Variants in ALDH1L2 observed in about 807,000 individuals in gnomAD.
The protein encoded by ALDH1L2 is aldehyde dehydrogenase 1 family member L2.
In ALDH1L2, 91 loss-of-function variants were observed where a neutral mutation model predicts 111.0. That is an observed-to-expected ratio of 0.82 (90% CI 0.69 to 0.98). The LOEUF is 0.98. Ranked by LOEUF, ALDH1L2 falls within the 50% of genes least tolerant of loss-of-function variation. ALDH1L2 has a pLI of 0.00. For missense variants in ALDH1L2, 995 were observed against 1,126.8 expected (o/e 0.88, Z 1.67); for synonymous variants, 374 against 392.6 (o/e 0.95, Z 0.56).
intron 15 of ALDH1L2, among the ~76,000 whole-genome samples, chr12:105,043,036 A>G (rs976684640): frequency 6.6e-6 from 1 of 152,230 alleles, no homozygotes. Flanking sequence ...TGACAAAGAT[A>G]TGAAATAAAT....
intron 1 of ALDH1L2, among the ~76,000 whole-genome samples, chr12:105,078,415 C>T (rs577224958): frequency 7.9e-5 from 12 of 152,186 alleles, no homozygotes; most frequent in African/African-American, 2.4e-4. Context: ...GCTGAGATCG[C>T]GCCATTGCAC....
chr12:105,077,274 CTT>C (rs201979000), intron 1 of ALDH1L2, among the ~76,000 whole-genome samples: 18 of 142,384 alleles, frequency 1.3e-4, no homozygotes, highest in Non-Finnish European at 2.0e-4. Context: ...TTTCTTTTTT[CTT>C]TTTTTTTTTT....
At chr12:105,062,370 A>C (rs973729327) in intron 7 of ALDH1L2, among the ~76,000 whole-genome samples, 5 of 152,330 alleles carry the variant, frequency 3.3e-5, no homozygotes, top group Admixed American at 3.3e-4. Context: ...TCCTGCAGCA[A>C]CTGGAAAATA....
At chr12:105,030,991 G>A (rs1295771530) in intron 20 of ALDH1L2, among the ~76,000 whole-genome samples, 1 of 152,060 alleles carries the variant, frequency 6.6e-6, no homozygotes, top group African/African-American at 2.4e-5. Flanking sequence ...TCCCCATTTT[G>A]TCTTCCCCTT....
chr12:105,035,419 G>A (rs1874931520), intron 18 of ALDH1L2, among the ~76,000 whole-genome samples: 1 of 151,988 alleles, frequency 6.6e-6, no homozygotes, highest in East Asian at 1.9e-4. Context: ...AACTTCCTGG[G>A]CTGAAGTGAT....
Position 105,026,677 on chromosome 12 carries a change from T to C in ALDH1L2, c.2584A>G (p.Arg862Gly), listed in dbSNP as rs1428819966. ...ACATACATAGCTTTGTTTATGTCTC[T>C]TGTAAAAACCCCTGAGGCCAAACCA... ...EYGLASGVFTRDINKAMYVSE... is the reference protein window; with the variant it reads ...EYGLASGVFTGDINKAMYVSE... Residue 862 changes from arginine to glycine, a missense_variant, in exon 22 of 23, where the codon AGA (arginine) becomes GGA (glycine). By Grantham distance (125) the Arg-to-Gly change is moderately radical. Transcript: ENST00000258494. 6.2e-7 allele frequency: 1 copy of C among 1,614,098 alleles called. No homozygotes were observed. The highest frequency in any genetic ancestry group is 2.2e-5 in the East Asian group (1 of 44,898).
At chr12:105,042,132 A>G (rs1039943095) in intron 15 of ALDH1L2, among the ~76,000 whole-genome samples, 1 of 152,036 alleles carries the variant, frequency 6.6e-6, no homozygotes, top group African/African-American at 2.4e-5. Context: ...TCATATACCT[A>G]TATCCATTTC....
intron 18 of ALDH1L2, among the ~76,000 whole-genome samples, chr12:105,036,401 ATT>A (rs1491144895): frequency 1.4e-5 from 1 of 69,826 alleles, no homozygotes; most frequent in African/African-American, 6.3e-5. Flanking sequence ...GTGTATATAT[ATT>A]ATATATATAC....
Position 105,073,978 on chromosome 12 carries a change from C to T in ALDH1L2, c.76G>A (p.Ala26Thr). The change falls in exon 2 of 23, where the codon GCA becomes ACA. Residue 26 changes from alanine to threonine, a missense_variant. Transcript: ENST00000258494. Reference sequence around the variant, plus strand: ...CCAAAGAGGCTCTGGCCAATTAGTGCCAACTTCAGCTTGTTTTTGAAATAA... The same window carrying T: ...CCAAAGAGGCTCTGGCCAATTAGTGTCAACTTCAGCTTGTTTTTGAAATAA... The part of the protein sequence containing the change: ...RVYFKNKLKL[A>T]LIGQSLFGQE... The T allele has an allele frequency of 6.2e-7, 1 of 1,614,102 alleles. No homozygotes were observed. The highest frequency in any genetic ancestry group is 8.5e-7 in the Non-Finnish European group (1 of 1,180,020).
At chr12:105,037,218 T>G (rs199531542) in intron 18 of ALDH1L2, among the ~76,000 whole-genome samples, 10,028 of 151,716 alleles carry the variant, frequency 0.066, 456 homozygotes, top group East Asian at 0.19. Context: ...CAATTTTTTT[T>G]AACCTTTACA....
Position 105,052,062 on chromosome 12 carries a change from A to G in ALDH1L2, c.1535+28T>C, listed in dbSNP as rs371241563. 2.3e-4 allele frequency: 354 copies of G among 1,542,662 alleles called. 1 individual carries two copies. In the African/African-American group the frequency reaches 4.5e-3, roughly 20 times the overall value. The stretch of plus-strand genomic sequence containing the variant: ...GTCTCTACCAGAGTTACTTTTCTAA[A>G]AAATAAAAAAATAAAAAATAGAAAT... On this transcript the variant is annotated intron_variant, in intron 12 of 22. Coordinates refer to ENST00000258494, the MANE Select transcript of ALDH1L2 (RefSeq NM_001034173.4).
intron 10 of ALDH1L2, among the ~76,000 whole-genome samples, chr12:105,053,563 G>A (rs541411682): frequency 1.3e-5 from 2 of 152,298 alleles, no homozygotes; most frequent in South Asian, 4.1e-4. Flanking sequence ...AAAAGGAAAT[G>A]TAATTATTTA....
chr12:105,030,893 A>C (rs1418910955), intron 20 of ALDH1L2, among the ~76,000 whole-genome samples: 1 of 152,140 alleles, frequency 6.6e-6, no homozygotes, highest in East Asian at 1.9e-4. Context: ...GCTTTTTCAC[A>C]GTTGGTTTGT....
At chr12:105,026,482 T>C (rs1482595340) in intron 22 of ALDH1L2, 63 bp downstream of exon 22, 16 of 1,584,356 alleles carry the variant, frequency 1.0e-5, no homozygotes, top group Admixed American at 3.4e-5. Context: ...TCATGAAACA[T>C]AGAGCAGATT....
intron 5 of ALDH1L2, 136 bp downstream of exon 5, chr12:105,066,432 G>T: frequency 1.4e-6 from 1 of 698,870 alleles, no homozygotes. Context: ...GCGTATGTCT[G>T]GCTACCTGTC....
intron 17 of ALDH1L2, among the ~76,000 whole-genome samples, chr12:105,038,465 G>A (rs940056335): frequency 6.6e-6 from 1 of 152,054 alleles, no homozygotes; most frequent in African/African-American, 2.4e-5. Context: ...CCGGAAGTGT[G>A]AGACCAGCCT....
At chr12:105,064,114 C>CTTT (rs71069786) in intron 6 of ALDH1L2, among the ~76,000 whole-genome samples, 3 of 35,124 alleles carry the variant, frequency 8.5e-5, no homozygotes, top group African/African-American at 1.1e-4. Flanking sequence ...CCACACCGAG[C>CTTT]TTTTTTTTTT....
chr12:105,021,326 A>C lies in ALDH1L2; in HGVS notation c.*3098T>G, dbSNP rs1407566628. The C allele has an allele frequency of 1.3e-5, 2 of 152,610 alleles. No individual in the cohort carries two copies. The highest frequency in any genetic ancestry group is 2.9e-5 in the Non-Finnish European group (2 of 68,392). 9.5% of individuals were successfully genotyped at this position (152,610 alleles called of 1,614,324 possible). ...AGGAAAGAGGTAACAGGCCAGGTGCAGTGGTTCATGCCTGTAATCCCAGCA... is the reference window on the plus strand; with the variant it reads ...AGGAAAGAGGTAACAGGCCAGGTGCCGTGGTTCATGCCTGTAATCCCAGCA... On this transcript the variant is annotated 3_prime_UTR_variant, in exon 23 of 23. Coordinates refer to ENST00000258494, the MANE Select transcript of ALDH1L2 (RefSeq NM_001034173.4).
chr12:105,040,807 T>C (rs549795238), intron 15 of ALDH1L2, 113 bp from the exon 16 acceptor site: 17 of 823,756 alleles, frequency 2.1e-5, no homozygotes, highest in South Asian at 1.6e-5. Flanking sequence ...TTATTGTACA[T>C]TGTCTTATTT....
Sources: allele counts gnomAD v4.1 joint callset (sites outside exome capture counted in the v4.1 genomes callset), GRCh38; gene constraint gnomAD v4.1.1; transcripts MANE v1.5; gene names NCBI Gene and HGNC (gene_info 2026-07-23, HGNC 2026-07-21).